The following CUX1 variants were observed in gnomAD, a reference collection of about 807,000 sequenced individuals.
The protein encoded by CUX1 is cut like homeobox 1.
CUX1 carries 31 observed loss-of-function variants against 158.8 expected under a neutral mutation model. The observed-to-expected ratio is 0.20, with a 90% CI of 0.15 to 0.26. CUX1 has a LOEUF of 0.26. CUX1 is among the 10% of genes least tolerant of loss of function. The pLI is 1.00. For missense variants in CUX1, 1,589 were observed against 2,014.6 expected (o/e 0.79, Z 4.04); for synonymous variants, 879 against 862.1 (o/e 1.02, Z -0.34).
intron 20 of CUX1, among the ~76,000 whole-genome samples, chr7:102,211,356 G>T (rs1187338262): frequency 6.6e-6 from 1 of 152,160 alleles, no homozygotes; most frequent in Non-Finnish European, 1.5e-5. Flanking sequence ...TGAGGCAAGA[G>T]TATCACTTGA....
At chr7:102,185,608 T>G (rs1225291664) in intron 11 of CUX1, among the ~76,000 whole-genome samples, 7 of 141,484 alleles carry the variant, frequency 4.9e-5, no homozygotes, top group African/African-American at 1.3e-4. Context: ...TTTTTTTTTG[T>G]TTTTTTTTTT....
At chr7:101,998,211 G>A (rs536271917) in intron 2 of CUX1, among the ~76,000 whole-genome samples, 1 of 152,260 alleles carries the variant, frequency 6.6e-6, no homozygotes, top group African/African-American at 2.4e-5. Flanking sequence ...TGTGCAGTGT[G>A]GATTGCAGGG....
At chr7:102,024,638 TC>T (rs2129326860) in intron 2 of CUX1, among the ~76,000 whole-genome samples, 1 of 152,216 alleles carries the variant, frequency 6.6e-6, no homozygotes, top group African/African-American at 2.4e-5. Flanking sequence ...TAGCTATTCT[TC>T]CATTCATTCC....
intron 8 of CUX1, 36 bp from the exon 9 acceptor site, chr7:102,158,524 T>G: frequency 1.9e-6 from 3 of 1,612,112 alleles, no homozygotes; most frequent in Non-Finnish European, 2.5e-6. Context: ...CCGGTCTCCT[T>G]GTGACTAACC....
At chr7:102,186,282 G>T (rs1281456076) in intron 11 of CUX1, among the ~76,000 whole-genome samples, 1 of 152,106 alleles carries the variant, frequency 6.6e-6, no homozygotes, top group Non-Finnish European at 1.5e-5. Context: ...CAGGCGCTCC[G>T]GCAGTTGGGA....
chr7:102,160,491 C>A (rs1554506715), intron 9 of CUX1, among the ~76,000 whole-genome samples: 1 of 152,120 alleles, frequency 6.6e-6, no homozygotes, highest in African/African-American at 2.4e-5. Flanking sequence ...ACTCGGTGGA[C>A]CCCAGTCTTA....
chr7:102,108,736 T>TGTGTGTGTG (rs1830610289), intron 6 of CUX1, among the ~76,000 whole-genome samples: 88 of 145,062 alleles, frequency 6.1e-4, no homozygotes, highest in African/African-American at 2.1e-3. Flanking sequence ...TTCATTCATT[T>TGTGTGTGTG]TGTGTGTGTG....
At chr7:102,222,273 G>A (rs1359122508) in intron 20 of CUX1, among the ~76,000 whole-genome samples, 4 of 152,076 alleles carry the variant, frequency 2.6e-5, no homozygotes, top group African/African-American at 7.2e-5. Flanking sequence ...GCAAGACCTC[G>A]TCTCAAAAAA....
chr7:101,821,503 T>C (rs1792505550), intron 1 of CUX1, among the ~76,000 whole-genome samples: 1 of 151,204 alleles, frequency 6.6e-6, no homozygotes, highest in Non-Finnish European at 1.5e-5. Flanking sequence ...CAGGCCTGGC[T>C]AATTTTTTGT....
intron 1 of CUX1, among the ~76,000 whole-genome samples, chr7:101,864,733 T>C (rs776401968): frequency 2.0e-5 from 3 of 151,990 alleles, no homozygotes; most frequent in Non-Finnish European, 4.4e-5. Flanking sequence ...ATATTTTTAG[T>C]AGAGATGAGG....
chr7:101,995,535 AG>A (rs1815737568), intron 2 of CUX1, among the ~76,000 whole-genome samples: 1 of 152,282 alleles, frequency 6.6e-6, no homozygotes, highest in Non-Finnish European at 1.5e-5. Flanking sequence ...GTGGGAACTT[AG>A]CAATGTACTT....
At chr7:102,135,393 G>A (rs1466260559) in intron 8 of CUX1, among the ~76,000 whole-genome samples, 1 of 152,122 alleles carries the variant, frequency 6.6e-6, no homozygotes, top group Non-Finnish European at 1.5e-5. Context: ...TTCACATCAA[G>A]TAGGCCAAGG....
chr7:101,982,442 T>A (rs1013978392), intron 2 of CUX1, among the ~76,000 whole-genome samples: 2 of 152,076 alleles, frequency 1.3e-5, no homozygotes, highest in Non-Finnish European at 2.9e-5. Flanking sequence ...TTCTTTTTTG[T>A]TTGAGATGGA....
intron 2 of CUX1, among the ~76,000 whole-genome samples, chr7:102,027,707 C>T (rs571512040): frequency 2.6e-5 from 4 of 152,168 alleles, no homozygotes; most frequent in African/African-American, 9.6e-5. Flanking sequence ...CAAAAAAATA[C>T]AAAAATTAAC....
intron 15 of CUX1, 49 bp from the exon 16 acceptor site, chr7:102,198,750 ACAC>A: frequency 6.5e-7 from 1 of 1,531,660 alleles, no homozygotes; most frequent in Non-Finnish European, 9.1e-7. Context: ...CATATCGTCA[ACAC>A]CACCATTCCC....
Position 102,102,423 on chromosome 7 carries a change from CAAAAAAAA to C in CUX1, c.407-1897_407-1890del, listed in dbSNP as rs67525163. Among the ~76,000 whole-genome samples, 32 of 74,994 alleles carry C rather than the reference CAAAAAAAA, an allele frequency of 4.3e-4. 1 individual carries two copies. The highest frequency in any genetic ancestry group is 1.6e-3 in the African/African-American group (27 of 16,812). 49.2% of individuals were successfully genotyped at this position (74,994 alleles called of 152,430 possible). The stretch of plus-strand genomic sequence containing the variant: ...TGGGCCACTGAGCGAGACTCCGCCT[CAAAAAAAA>C]AAAAAAAAAAAAAAAGCCTTTAGCT... On this transcript the variant is annotated intron_variant, in intron 5 of 23. Coordinates refer to ENST00000292535, the MANE Select transcript of CUX1 (RefSeq NM_181552.4).
At chr7:102,054,476 G>A (rs1449113688) in intron 3 of CUX1, among the ~76,000 whole-genome samples, 1 of 152,278 alleles carries the variant, frequency 6.6e-6, no homozygotes, top group South Asian at 2.1e-4. Context: ...TAATATGAGG[G>A]TTCCTTTCTG....
intron 14 of CUX1, 119 bp downstream of exon 14, chr7:102,195,722 C>T: frequency 4.4e-6 from 4 of 902,080 alleles, no homozygotes; most frequent in East Asian, 2.9e-5. Flanking sequence ...CGCCGGTTGA[C>T]GAGAACCTTT....
At chr7:102,007,997 G>A (rs1400449357) in intron 2 of CUX1, among the ~76,000 whole-genome samples, 1 of 152,042 alleles carries the variant, frequency 6.6e-6, no homozygotes. Flanking sequence ...TACCTGCCTT[G>A]GCCTCCCAAA....
Sources: gnomAD v4.1 joint callset for allele counts (sites outside exome capture counted in the v4.1 genomes callset) on GRCh38, gnomAD v4.1.1 for gene constraint, MANE v1.5 for transcripts, NCBI Gene and HGNC (gene_info 2026-07-23, HGNC 2026-07-21) for gene names.